The following RGS9 variants were observed in gnomAD, a reference collection of about 807,000 sequenced individuals.
RGS9 encodes the protein regulator of G-protein signalling 9.
A neutral mutation model predicts 102.0 loss-of-function variants in RGS9; 78 were observed. That is an observed-to-expected ratio of 0.76 (90% CI 0.64 to 0.92). The LOEUF (loss-of-function observed/expected upper bound fraction) is 0.92, where lower values mean the gene tolerates loss of function less well. RGS9 is among the 40% of genes least tolerant of loss of function. The probability of loss-of-function intolerance (pLI) is 0.00; values close to 1 mark genes in which losing one functional copy is unlikely to be tolerated. For missense variants in RGS9, 833 were observed against 866.1 expected (o/e 0.96, Z 0.48); for synonymous variants, 353 against 318.6 (o/e 1.11, Z -1.15).
intron 13 of RGS9, among the ~76,000 whole-genome samples, chr17:65,198,724 T>G (rs1912696867): frequency 6.6e-6 from 1 of 152,246 alleles, no homozygotes; most frequent in South Asian, 2.1e-4. Flanking sequence ...CTCCTGAGCC[T>G]TGACACTCAG....
chr17:65,160,759 CCGACT>C, intron 5 of RGS9, 87 bp from the exon 6 acceptor site: 1 of 1,461,300 alleles, frequency 6.8e-7, no homozygotes, highest in Non-Finnish European at 9.6e-7. Context: ...CGTTCTCTCC[CCGACT>C]CTGAGCACAG....
At chr17:65,198,002 C>T (rs1217506173) in intron 13 of RGS9, among the ~76,000 whole-genome samples, 7 of 152,062 alleles carry the variant, frequency 4.6e-5, no homozygotes, top group Non-Finnish European at 1.0e-4. Context: ...TGGTTCTACA[C>T]ATTCAGTCTG....
chr17:65,156,600 G>A (rs1160241947), intron 2 of RGS9, among the ~76,000 whole-genome samples: 1 of 152,244 alleles, frequency 6.6e-6, no homozygotes, highest in Non-Finnish European at 1.5e-5. Flanking sequence ...GGGAGGCTGA[G>A]CAGCCTGCCA....
At chr17:65,221,516 C>CCT (rs1305193683) in intron 17 of RGS9, among the ~76,000 whole-genome samples, 4 of 152,176 alleles carry the variant, frequency 2.6e-5, no homozygotes, top group Non-Finnish European at 5.9e-5. Flanking sequence ...GTCACACAGA[C>CCT]CTGGCCTCAG....
intron 9 of RGS9, among the ~76,000 whole-genome samples, chr17:65,184,753 C>T (rs1224313521): frequency 6.7e-6 from 1 of 148,362 alleles, no homozygotes; most frequent in Admixed American, 6.8e-5. Context: ...TTTTCCTTTC[C>T]TTTCCTTTCC....
intron 11 of RGS9, among the ~76,000 whole-genome samples, chr17:65,192,683 A>G (rs1047975274): frequency 3.3e-5 from 5 of 152,114 alleles, no homozygotes; most frequent in African/African-American, 7.2e-5. Flanking sequence ...GACTGTAGTT[A>G]ATAATAATAC....
chr17:65,152,569 C>T lies in RGS9; in HGVS notation c.58-853C>T, dbSNP rs540519742. ...AAAAAGAGACAGGGTCTCGCTCTGTCACCCAGGCTGAGTGCAGTGGTGCGA... is the reference window on the plus strand; with the variant it reads ...AAAAAGAGACAGGGTCTCGCTCTGTTACCCAGGCTGAGTGCAGTGGTGCGA... On this transcript the variant is annotated intron_variant, in intron 1 of 18. Transcript: ENST00000262406. 4.6e-4 allele frequency among the ~76,000 whole-genome samples: 70 copies of T among 152,316 alleles called. 1 individual carries two copies. The highest frequency in any genetic ancestry group is 2.2e-4 in the Non-Finnish European group (15 of 68,026).
At chr17:65,195,555 A>G (rs940968318) in intron 12 of RGS9, among the ~76,000 whole-genome samples, 4 of 152,050 alleles carry the variant, frequency 2.6e-5, no homozygotes, top group African/African-American at 9.7e-5. Context: ...TTAGTCTTAT[A>G]TCCCTCACTC....
At position 65,185,300 on chromosome 17, in the gene RGS9, A is replaced by G. The variant is rs537825470; in HGVS notation, c.655-3986A>G. On this transcript the variant is annotated intron_variant, in intron 9 of 18. Coordinates refer to ENST00000262406, the MANE Select transcript of RGS9 (RefSeq NM_003835.4). ...AGAACTAAACGGCTGAGGCACAGACAGTTTAGAATCCATTATATTGCTTTC... is the reference window on the plus strand; with the variant it reads ...AGAACTAAACGGCTGAGGCACAGACGGTTTAGAATCCATTATATTGCTTTC... The G allele has an allele frequency of 2.6e-5, 4 of 152,390 alleles. No individual in the cohort carries two copies. The East Asian group carries it at 5.8e-4, about 22-fold the overall frequency. The allele number at this position is 152,390 out of a possible 1,614,324, so 9.4% of individuals were successfully genotyped here.
chr17:65,166,133 G>A (rs1340239607), intron 7 of RGS9, among the ~76,000 whole-genome samples: 1 of 152,094 alleles, frequency 6.6e-6, no homozygotes, highest in African/African-American at 2.4e-5. Flanking sequence ...AGGTGTTTGG[G>A]GACTTCAAGA....
chr17:65,142,906 T>TC (rs796803148), intron 1 of RGS9, among the ~76,000 whole-genome samples: 23 of 152,136 alleles, frequency 1.5e-4, no homozygotes, highest in African/African-American at 5.5e-4. Context: ...TTTCTTTCTT[T>TC]CTTTTTTTTT....
At chr17:65,225,626 C>T (rs746645026) in intron 18 of RGS9, 140 bp downstream of exon 18, 4 of 1,200,802 alleles carry the variant, frequency 3.3e-6, no homozygotes, top group Non-Finnish European at 4.8e-6. Context: ...GATCCCTTGG[C>T]CACTGGAAGA....
chr17:65,204,934 T>C (rs1331520040), intron 15 of RGS9, among the ~76,000 whole-genome samples: 1 of 152,136 alleles, frequency 6.6e-6, no homozygotes, highest in Non-Finnish European at 1.5e-5. Context: ...GCCGAGCTCT[T>C]AGTTTCTGCT....
At chr17:65,192,804 C>T (rs1417601472) in intron 11 of RGS9, among the ~76,000 whole-genome samples, 3 of 151,990 alleles carry the variant, frequency 2.0e-5, no homozygotes, top group Admixed American at 6.6e-5. Flanking sequence ...TTTCCAAACC[C>T]AGGCATTATC....
chr17:65,169,301 C>G (rs1266125974), intron 8 of RGS9, among the ~76,000 whole-genome samples: 1 of 152,190 alleles, frequency 6.6e-6, no homozygotes. Flanking sequence ...GAGGTTGATC[C>G]CAAACAGCTT....
At chr17:65,217,571 G>A (rs1913561920) in intron 17 of RGS9, among the ~76,000 whole-genome samples, 1 of 151,406 alleles carries the variant, frequency 6.6e-6, no homozygotes, top group African/African-American at 2.4e-5. Flanking sequence ...AGTAAGGAGA[G>A]TGAGCTGTGT....
intron 1 of RGS9, among the ~76,000 whole-genome samples, chr17:65,142,931 T>A (rs1910213377): frequency 6.6e-6 from 1 of 152,054 alleles, no homozygotes; most frequent in Admixed American, 6.6e-5. Context: ...TTTAACAATT[T>A]CTTTTTTTAG....
At position 65,168,259 on chromosome 17, in the gene RGS9, A is replaced by G; in HGVS notation, c.560A>G (p.Tyr187Cys). 6.2e-7 allele frequency: 1 copy of G among 1,610,460 alleles called. No homozygotes were observed. ...GCCCTGGACTGCCAGGAGAAGGCATACTGGCTGGTGCACCGATGCCCTGTG... is the reference window on the plus strand; with the variant it reads ...GCCCTGGACTGCCAGGAGAAGGCATGCTGGCTGGTGCACCGATGCCCTGTG... Reference protein sequence around the residue: ...RYALDCQEKAYWLVHRCPPGM... With the variant: ...RYALDCQEKACWLVHRCPPGM... Residue 187 changes from tyrosine to cysteine, a missense_variant, in exon 8 of 19, where the codon TAC becomes TGC. Around this residue, in one of 3 missense-constraint regions of RGS9, gnomAD observed 328 missense variants for 340.6 expected, o/e 0.96. Coordinates refer to ENST00000262406, the MANE Select transcript of RGS9 (RefSeq NM_003835.4).
At chr17:65,147,202 C>T (rs1910397453) in intron 1 of RGS9, among the ~76,000 whole-genome samples, 2 of 152,160 alleles carry the variant, frequency 1.3e-5, no homozygotes, top group Non-Finnish European at 2.9e-5. Context: ...ATTTTCTGTT[C>T]CAAAACAATT....
Sources: allele counts gnomAD v4.1 joint callset (sites outside exome capture counted in the v4.1 genomes callset), GRCh38; gene constraint gnomAD v4.1.1; regional missense constraint gnomAD v4.1.1; transcripts MANE v1.5; gene names NCBI Gene and HGNC (gene_info 2026-07-23, HGNC 2026-07-21).